ARK2N: variants seen among roughly 807,000 people sequenced by gnomAD.
ARK2N encodes protein ARK2N.
chr18:46,236,868 CTTTT>C, the ARK2N span, among the ~76,000 whole-genome samples: 1 of 138,900 alleles, frequency 7.2e-6, no homozygotes, highest in Non-Finnish European at 1.6e-5. Flanking sequence ...TTGTTTTTTG[CTTTT>C]TTTTTTTTTG....
the ARK2N span, among the ~76,000 whole-genome samples, chr18:46,248,573 T>TTTTGTTTG: frequency 6.6e-6 from 1 of 152,124 alleles, no homozygotes; most frequent in African/African-American, 2.4e-5. Flanking sequence ...TACTCTTTAT[T>TTTTGTTTG]TTTGTTTGTT....
At chr18:46,208,613 G>T in the ARK2N span, among the ~76,000 whole-genome samples, 1 of 151,918 alleles carries the variant, frequency 6.6e-6, no homozygotes, top group Non-Finnish European at 1.5e-5. Flanking sequence ...GGGATTACAG[G>T]CATGTGCCAC....
the ARK2N span, among the ~76,000 whole-genome samples, chr18:46,176,672 C>T: frequency 2.1e-3 from 320 of 151,648 alleles, no homozygotes; most frequent in African/African-American, 7.2e-3. Context: ...GTTGCCCAGG[C>T]TGGAGTGCAA....
At chr18:46,198,795 C>T in the ARK2N span, among the ~76,000 whole-genome samples, 1 of 152,106 alleles carries the variant, frequency 6.6e-6, no homozygotes, top group Non-Finnish European at 1.5e-5. Context: ...GATGGGGTTT[C>T]ACTATGTTGG....
the ARK2N span, among the ~76,000 whole-genome samples, chr18:46,186,965 C>T: frequency 2.0e-5 from 3 of 151,450 alleles, no homozygotes; most frequent in East Asian, 5.9e-4. Flanking sequence ...AGTGATTCTG[C>T]TGTCTCAGCC....
the ARK2N span, among the ~76,000 whole-genome samples, chr18:46,213,566 A>G: frequency 1.3e-5 from 2 of 152,250 alleles, no homozygotes; most frequent in African/African-American, 4.8e-5. Context: ...GAGGTGTTAC[A>G]TTTTTTTGTA....
the ARK2N span, among the ~76,000 whole-genome samples, chr18:46,180,349 C>T: frequency 6.6e-6 from 1 of 152,162 alleles, no homozygotes. Flanking sequence ...GGTATTTATA[C>T]CTGGTTAAAT....
chr18:46,246,855 C>T, the ARK2N span, among the ~76,000 whole-genome samples: 1 of 151,234 alleles, frequency 6.6e-6, no homozygotes, highest in Non-Finnish European at 1.5e-5. Context: ...GTGGGAGAAT[C>T]GCTTGAACCC....
At chr18:46,226,900 G>A in the ARK2N span, among the ~76,000 whole-genome samples, 2 of 150,480 alleles carry the variant, frequency 1.3e-5, no homozygotes, top group Admixed American at 6.7e-5. Context: ...CTCTGCCTCC[G>A]GGGTTCAAGT....
At chr18:46,229,553 C>CCA in the ARK2N span, among the ~76,000 whole-genome samples, 1 of 151,648 alleles carries the variant, frequency 6.6e-6, no homozygotes, top group Non-Finnish European at 1.5e-5. Flanking sequence ...TTCACTGTAG[C>CCA]CAGGATGGTC....
chr18:46,259,329 C>T, the ARK2N span, among the ~76,000 whole-genome samples: 10 of 150,460 alleles, frequency 6.6e-5, no homozygotes, highest in East Asian at 7.9e-4. Flanking sequence ...CTGCAACCTC[C>T]GCCTCCTGGG....
chr18:46,179,197 C>T, the ARK2N span, among the ~76,000 whole-genome samples: 8 of 152,226 alleles, frequency 5.3e-5, no homozygotes, highest in African/African-American at 1.9e-4. Flanking sequence ...CCCACCTTGG[C>T]CTCCCAAAGT....
At chr18:46,246,408 C>T in the ARK2N span, among the ~76,000 whole-genome samples, 1 of 152,172 alleles carries the variant, frequency 6.6e-6, no homozygotes, top group Non-Finnish European at 1.5e-5. Flanking sequence ...GCAGAGGCAT[C>T]CCAGAATGCC....
the ARK2N span, among the ~76,000 whole-genome samples, chr18:46,215,373 C>T: frequency 6.6e-6 from 1 of 152,220 alleles, no homozygotes; most frequent in African/African-American, 2.4e-5. Flanking sequence ...TTGTAACTCC[C>T]CTCCTCCCAC....
the ARK2N span, among the ~76,000 whole-genome samples, chr18:46,248,746 A>G: frequency 6.6e-6 from 1 of 152,000 alleles, no homozygotes; most frequent in South Asian, 2.1e-4. Context: ...CACCACACCC[A>G]GCTAATTTTT....
chr18:46,214,824 C>T, the ARK2N span, among the ~76,000 whole-genome samples: 1 of 152,152 alleles, frequency 6.6e-6, no homozygotes, highest in African/African-American at 2.4e-5. Context: ...TCTATTTAAA[C>T]ACTAGACTCA....
chr18:46,191,351 T>TA, the ARK2N span, among the ~76,000 whole-genome samples: 128 of 148,544 alleles, frequency 8.6e-4, no homozygotes, highest in Middle Eastern at 0.014. Context: ...TTTATTTAAT[T>TA]TTTTTTTTTT....
chr18:46,236,866 T>C, the ARK2N span, among the ~76,000 whole-genome samples: 3 of 150,656 alleles, frequency 2.0e-5, no homozygotes, highest in African/African-American at 7.4e-5. Context: ...GTTTGTTTTT[T>C]GCTTTTTTTT....
At chr18:46,177,940 C>T in the ARK2N span, among the ~76,000 whole-genome samples, 1 of 152,150 alleles carries the variant, frequency 6.6e-6, no homozygotes, top group Non-Finnish European at 1.5e-5. Flanking sequence ...TTTATTCTCA[C>T]AACAACAATT....
Sources: allele counts gnomAD v4.1 joint callset (sites outside exome capture counted in the v4.1 genomes callset), GRCh38; gene constraint gnomAD v4.1.1; transcripts MANE v1.5; gene names NCBI Gene and HGNC (gene_info 2026-07-23, HGNC 2026-07-21).